The following ADAMTSL1 variants were observed in gnomAD, a reference collection of about 807,000 sequenced individuals.
ADAMTSL1 encodes ADAMTS-like protein 1.
In ADAMTSL1, 126 loss-of-function variants were observed where a neutral mutation model predicts 201.8. That is an observed-to-expected ratio of 0.62 (90% CI 0.54 to 0.72). The LOEUF is 0.72. Ranked by LOEUF, ADAMTSL1 falls within the 30% of genes least tolerant of loss-of-function variation. The probability of loss-of-function intolerance (pLI) is 0.00; values close to 1 mark genes in which losing one functional copy is unlikely to be tolerated. For missense variants in ADAMTSL1, 2,679 were observed against 2,277.8 expected (o/e 1.18, Z -3.59); for synonymous variants, 1,121 against 903.4 (o/e 1.24, Z -4.32).
At chr9:18,090,212 G>A (rs1823948281) in intron 1 of ADAMTSL1, among the ~76,000 whole-genome samples, 1 of 152,082 alleles carries the variant, frequency 6.6e-6, no homozygotes, top group Non-Finnish European at 1.5e-5. Flanking sequence ...AAAATTAAAT[G>A]TAGAATTACC....
intron 1 of ADAMTSL1, among the ~76,000 whole-genome samples, chr9:17,997,222 C>A (rs1819419318): frequency 6.6e-6 from 1 of 152,120 alleles, no homozygotes; most frequent in Admixed American, 6.6e-5. Context: ...GGTCTAAAAA[C>A]AGGTTCCCCT....
At chr9:18,548,016 A>T (rs924766474) in intron 3 of ADAMTSL1, among the ~76,000 whole-genome samples, 1 of 152,020 alleles carries the variant, frequency 6.6e-6, no homozygotes, top group Non-Finnish European at 1.5e-5. Flanking sequence ...AACAAAATTA[A>T]CGTTCACACC....
intron 1 of ADAMTSL1, among the ~76,000 whole-genome samples, chr9:18,095,896 T>C (rs965109745): frequency 1.3e-5 from 2 of 152,300 alleles, no homozygotes; most frequent in Middle Eastern, 3.4e-3. Context: ...ACTGGGTTGG[T>C]CATTGTTTCT....
intron 2 of ADAMTSL1, among the ~76,000 whole-genome samples, chr9:18,405,955 C>T (rs76838682): frequency 4.9e-3 from 747 of 152,178 alleles, no homozygotes; most frequent in Middle Eastern, 0.02. Context: ...GATAAGTTAC[C>T]CACATAATTT....
intron 13 of ADAMTSL1, among the ~76,000 whole-genome samples, chr9:18,690,065 T>G (rs1831120386): frequency 6.6e-6 from 1 of 152,196 alleles, no homozygotes; most frequent in South Asian, 2.1e-4. Context: ...CCAGATGGCA[T>G]CAGCTTAGCA....
At chr9:17,925,949 G>A (rs917906159) in intron 1 of ADAMTSL1, among the ~76,000 whole-genome samples, 5 of 151,844 alleles carry the variant, frequency 3.3e-5, no homozygotes, top group African/African-American at 9.7e-5. Context: ...CTCCCCAAGC[G>A]CAATGTAGCA....
intron 1 of ADAMTSL1, among the ~76,000 whole-genome samples, chr9:18,126,953 A>G (rs566388698): frequency 6.6e-6 from 1 of 152,324 alleles, no homozygotes; most frequent in Admixed American, 6.5e-5. Flanking sequence ...CGTAACCAGT[A>G]TGCCTTCTGC....
chr9:18,134,692 T>G (rs1296154331), intron 1 of ADAMTSL1, among the ~76,000 whole-genome samples: 2 of 152,128 alleles, frequency 1.3e-5, no homozygotes, highest in East Asian at 3.9e-4. Flanking sequence ...GTAAACAGCC[T>G]TAGATTTACT....
intron 9 of ADAMTSL1, 142 bp downstream of exon 9, chr9:18,662,215 C>T: frequency 8.9e-7 from 1 of 1,129,730 alleles, no homozygotes; most frequent in Non-Finnish European, 1.2e-6. Flanking sequence ...CATTACTAAT[C>T]ACGTGTTATT....
rs1362072691 is a variant in ADAMTSL1 at position 18,910,346 on chromosome 9, G to A, written c.*1798G>A. 2.0e-5 allele frequency: 3 copies of A among 152,168 alleles called. No homozygotes were observed. Among genetic ancestry groups the A allele is most frequent in the Non-Finnish European group, 4.4e-5 (3 of 68,024 alleles). 9.4% of individuals were successfully genotyped at this position (152,168 alleles called of 1,614,324 possible). The stretch of plus-strand genomic sequence containing the variant: ...TATTAGGATTTCTTATTAAAAAAGT[G>A]CAATATTAATAATTGTACATTGTCA... On this transcript the variant is annotated 3_prime_UTR_variant, in exon 29 of 29. Transcript: ENST00000380548.
chr9:18,827,424 C>T (rs957744643), intron 22 of ADAMTSL1, among the ~76,000 whole-genome samples: 6 of 151,978 alleles, frequency 3.9e-5, no homozygotes, highest in Non-Finnish European at 8.8e-5. Context: ...TCCTTCTAGA[C>T]CCTGCCCACT....
At chr9:18,160,081 T>C (rs1483691461) in intron 1 of ADAMTSL1, among the ~76,000 whole-genome samples, 1 of 152,038 alleles carries the variant, frequency 6.6e-6, no homozygotes, top group Admixed American at 6.6e-5. Flanking sequence ...ACAACAGATT[T>C]CTTCCATGAC....
chr9:18,259,817 T>C (rs1428646136), intron 2 of ADAMTSL1, among the ~76,000 whole-genome samples: 1 of 152,168 alleles, frequency 6.6e-6, no homozygotes, highest in Non-Finnish European at 1.5e-5. Context: ...TTATTTTTAT[T>C]CCTATTCATG....
chr9:18,417,801 A>G (rs1184044361), intron 2 of ADAMTSL1, among the ~76,000 whole-genome samples: 1 of 152,222 alleles, frequency 6.6e-6, no homozygotes, highest in Non-Finnish European at 1.5e-5. Flanking sequence ...ACATTTAAAG[A>G]AGAAATAACA....
chr9:18,439,600 C>T (rs1226435405), intron 2 of ADAMTSL1, among the ~76,000 whole-genome samples: 10 of 152,162 alleles, frequency 6.6e-5, no homozygotes, highest in African/African-American at 2.4e-4. Flanking sequence ...CTCCTGACCT[C>T]GTGATCTGCC....
intron 1 of ADAMTSL1, among the ~76,000 whole-genome samples, chr9:18,042,106 A>C (rs1205051752): frequency 6.6e-6 from 1 of 151,970 alleles, no homozygotes. Flanking sequence ...AAAAAAAAAA[A>C]AAAAAGCTTA....
chr9:18,905,988 A>T (rs1830287993), intron 27 of ADAMTSL1, 97 bp downstream of exon 27: 2 of 1,116,456 alleles, frequency 1.8e-6, no homozygotes, highest in East Asian at 5.2e-5. Context: ...AACTTACCAC[A>T]GTCCCAAGCC....
At chr9:17,966,109 C>T (rs1477886152) in intron 1 of ADAMTSL1, among the ~76,000 whole-genome samples, 1 of 152,092 alleles carries the variant, frequency 6.6e-6, no homozygotes, top group Non-Finnish European at 1.5e-5. Context: ...TGTTGAGGCC[C>T]ACCAGGAGCT....
chr9:18,443,042 T>G (rs1820058541), intron 2 of ADAMTSL1, among the ~76,000 whole-genome samples: 1 of 152,190 alleles, frequency 6.6e-6, no homozygotes, highest in Non-Finnish European at 1.5e-5. Context: ...ATTTCTAGCT[T>G]TGCCATTGCC....
Sources: gnomAD v4.1 joint callset for allele counts (sites outside exome capture counted in the v4.1 genomes callset) on GRCh38, gnomAD v4.1.1 for gene constraint, MANE v1.5 for transcripts, NCBI Gene and HGNC (gene_info 2026-07-23, HGNC 2026-07-21) for gene names.